Variants in TENM2 observed in about 807,000 individuals in gnomAD.
TENM2 encodes the protein teneurin-2.
Under a neutral mutation model 245.2 loss-of-function variants are expected in TENM2, and 52 were observed. The observed-to-expected ratio is 0.21, with a 90% CI of 0.17 to 0.27. The LOEUF (loss-of-function observed/expected upper bound fraction) is 0.27. TENM2 is among the 10% of genes least tolerant of loss of function. The pLI is 1.00. For synonymous variants in TENM2, 1,363 were observed against 1,438.9 expected (o/e 0.95, Z 1.19); for missense variants, 3,046 against 3,666.8 (o/e 0.83, Z 4.37).
At chr5:167,016,736 A>G in the TENM2 span, among the ~76,000 whole-genome samples, 168 of 152,308 alleles carry the variant, frequency 1.1e-3, 1 homozygote, top group African/African-American at 3.2e-3. Flanking sequence ...TTGTCATTCT[A>G]TTAAATCTAT....
chr5:168,148,855 AATAAAT>A (rs1447998963), intron 12 of TENM2, among the ~76,000 whole-genome samples: 1 of 150,264 alleles, frequency 6.7e-6, no homozygotes, highest in Non-Finnish European at 1.5e-5. Flanking sequence ...CAGATTAATA[AATAAAT>A]ATAAATATAT....
At chr5:167,204,794 C>A in the TENM2 span, among the ~76,000 whole-genome samples, 1 of 152,282 alleles carries the variant, frequency 6.6e-6, no homozygotes, top group Admixed American at 6.5e-5. Flanking sequence ...GTAAAGTGAC[C>A]ATTTTTGCCA....
At chr5:167,088,682 T>A in the TENM2 span, among the ~76,000 whole-genome samples, 18 of 152,228 alleles carry the variant, frequency 1.2e-4, no homozygotes, top group Non-Finnish European at 1.9e-4. Context: ...ATTTATTTTT[T>A]AATTAATACT....
At chr5:168,030,158 C>CTTTTTTTTTTTT (rs540326142) in intron 5 of TENM2, among the ~76,000 whole-genome samples, 11 of 65,282 alleles carry the variant, frequency 1.7e-4, no homozygotes, top group African/African-American at 2.2e-4. Flanking sequence ...GGTTCTGGCT[C>CTTTTTTTTTTTT]TTTTTTTTTT....
At chr5:168,128,100 G>A (rs995896194) in intron 12 of TENM2, among the ~76,000 whole-genome samples, 24 of 152,304 alleles carry the variant, frequency 1.6e-4, no homozygotes, top group East Asian at 5.8e-4. Context: ...GATTTCTTCC[G>A]GTTCCATCTG....
chr5:167,672,426 A>G (rs1756017725), intron 2 of TENM2, among the ~76,000 whole-genome samples: 1 of 152,026 alleles, frequency 6.6e-6, no homozygotes, highest in Non-Finnish European at 1.5e-5. Flanking sequence ...TTTAATATAG[A>G]TTCACTCCCC....
chr5:167,250,043 C>A, the TENM2 span, among the ~76,000 whole-genome samples: 27 of 152,142 alleles, frequency 1.8e-4, no homozygotes, highest in Non-Finnish European at 3.8e-4. Flanking sequence ...AGTGTACAGA[C>A]CTTGGCTGTG....
At chr5:167,803,611 G>A (rs1445570120) in intron 2 of TENM2, among the ~76,000 whole-genome samples, 1 of 152,022 alleles carries the variant, frequency 6.6e-6, no homozygotes, top group Non-Finnish European at 1.5e-5. Context: ...GTTTGTGGGA[G>A]TAATATTACT....
intron 9 of TENM2, among the ~76,000 whole-genome samples, chr5:168,105,964 C>T (rs753288472): frequency 1.3e-5 from 2 of 152,158 alleles, no homozygotes; most frequent in Non-Finnish European, 2.9e-5. Flanking sequence ...TGTAAAGCAG[C>T]CTTGCATTTC....
At chr5:168,033,115 A>T (rs546279898) in intron 5 of TENM2, 1 of 152,186 alleles carries the variant, frequency 6.6e-6, no homozygotes, top group Non-Finnish European at 1.5e-5. Flanking sequence ...CATGTATAAC[A>T]ACTCATGGGT....
At chr5:168,193,736 G>A (rs994289246) in intron 14 of TENM2, among the ~76,000 whole-genome samples, 2 of 152,314 alleles carry the variant, frequency 1.3e-5, no homozygotes, top group South Asian at 2.1e-4. Context: ...CCTTGTGGTC[G>A]TCAACACACA....
chr5:167,438,722 G>A (rs1397315885), intron 2 of TENM2, among the ~76,000 whole-genome samples: 1 of 151,560 alleles, frequency 6.6e-6, no homozygotes, highest in African/African-American at 2.4e-5. Context: ...AATGGTGTCC[G>A]TGCAAAGTGT....
intron 2 of TENM2, among the ~76,000 whole-genome samples, chr5:167,572,001 C>T (rs1774296087): frequency 6.6e-6 from 1 of 152,228 alleles, no homozygotes; most frequent in South Asian, 2.1e-4. Flanking sequence ...CCTTCTACAT[C>T]TGAGCACTCT....
chr5:167,829,311 T>G (rs1379252398), intron 2 of TENM2, among the ~76,000 whole-genome samples: 1 of 152,238 alleles, frequency 6.6e-6, no homozygotes, highest in Non-Finnish European at 1.5e-5. Context: ...GTTCCTGGCT[T>G]GCCAGCTTGT....
chr5:168,133,866 A>G (rs1456237972), intron 12 of TENM2, among the ~76,000 whole-genome samples: 2 of 152,204 alleles, frequency 1.3e-5, no homozygotes, highest in East Asian at 1.9e-4. Context: ...AGAACACAGG[A>G]TTTTGTGGCA....
At chr5:167,711,507 AAT>A (rs1292065587) in intron 2 of TENM2, among the ~76,000 whole-genome samples, 4 of 152,038 alleles carry the variant, frequency 2.6e-5, no homozygotes, top group Non-Finnish European at 5.9e-5. Context: ...TATTTCCAGC[AAT>A]CTGCTTTACA....
chr5:167,855,667 G>GAGGAAGGA lies in TENM2; in HGVS notation c.503-20306_503-20299dup, dbSNP rs375990506. ...ATATGGAAGGAGGAAGGAAGAAAGA[G>GAGGAAGGA]AGGAAGGAAGGAAGGAAGGAGGGAG... On this transcript the variant is annotated intron_variant, in intron 2 of 28. Transcript: ENST00000518659. Among the ~76,000 whole-genome samples, 778 of 92,726 alleles carry GAGGAAGGA rather than the reference G, an allele frequency of 8.4e-3. 14 individuals are homozygous for GAGGAAGGA. The highest frequency in any genetic ancestry group is 0.022 in the African/African-American group (569 of 26,460). The allele number at this position is 92,726 out of a possible 152,430, so 60.8% of individuals were successfully genotyped here. A position where few individuals can be genotyped will look rare whatever the true frequency, so the allele number is the denominator to read the frequency against.
chr5:168,070,679 C>T (rs1028042987), intron 7 of TENM2, among the ~76,000 whole-genome samples: 1 of 150,758 alleles, frequency 6.6e-6, no homozygotes, highest in African/African-American at 2.4e-5. Flanking sequence ...GTCCCAGCTA[C>T]TTGGGAGGCT....
Position 167,449,521 on chromosome 5 carries a change from TAGATAGATA to T in TENM2, c.502+74049_502+74057del, listed in dbSNP as rs1490486645. The stretch of plus-strand genomic sequence containing the variant: ...CCCTAAAGATATGCAGATAGATAGA[TAGATAGATA>T]GATAGATAGATAGATAGATAGATAG... On this transcript the variant is annotated intron_variant, in intron 2 of 28. Transcript: ENST00000518659. Among the ~76,000 whole-genome samples the T allele has an allele frequency of 8.1e-3, 602 of 74,032 alleles. 3 individuals are homozygous for T. Among genetic ancestry groups the T allele is most frequent in the Admixed American group, 0.023 (159 of 6,904 alleles). 48.6% of individuals were successfully genotyped at this position (74,032 alleles called of 152,430 possible). A position where few individuals can be genotyped will look rare whatever the true frequency, so the allele number is the denominator to read the frequency against.
Sources: gnomAD v4.1 joint callset for allele counts (sites outside exome capture counted in the v4.1 genomes callset) on GRCh38, gnomAD v4.1.1 for gene constraint, MANE v1.5 for transcripts, NCBI Gene and HGNC (gene_info 2026-07-23, HGNC 2026-07-21) for gene names.